CCDC171: variants seen among roughly 807,000 people sequenced by gnomAD.
The protein encoded by CCDC171 is coiled-coil domain-containing protein 171.
Under a neutral mutation model 168.2 loss-of-function variants are expected in CCDC171, and 177 were observed. The ratio of observed to expected loss-of-function variants is 1.05; its 90% CI spans 0.93 to 1.19. The LOEUF (loss-of-function observed/expected upper bound fraction) is 1.19, where lower values mean the gene tolerates loss of function less well. Ranked by LOEUF, CCDC171 falls within the 50% of genes most tolerant of loss-of-function variation. The pLI, the probability that CCDC171 is intolerant of heterozygous loss-of-function variation, is 0.00. For missense variants in CCDC171, 1,991 were observed against 1,539.0 expected, an observed-to-expected ratio of 1.29 and a Z score of -4.91; for synonymous variants, 687 against 540.8, an observed-to-expected ratio of 1.27 and a Z score of -3.75.
intron 7 of CCDC171, 23 bp downstream of exon 7, chr9:15,623,436 A>T: frequency 6.6e-7 from 1 of 1,525,952 alleles, no homozygotes; most frequent in Non-Finnish European, 8.8e-7. Context: ...ATTCCTTTAT[A>T]ATATATATGC....
At position 15,562,566 on chromosome 9, in the gene CCDC171, A is replaced by G. The variant is rs918922240; in HGVS notation, c.-111-1412A>G. ...TAACTTTATTGAAACAACTTTATTAAAAGTTTCGTAACCTCTACTTGCCAC... is the reference window on the plus strand; with the variant it reads ...TAACTTTATTGAAACAACTTTATTAGAAGTTTCGTAACCTCTACTTGCCAC... On this transcript the variant is annotated intron_variant, in intron 1 of 25. Transcript: ENST00000380701. Among the ~76,000 whole-genome samples the G allele has an allele frequency of 2.4e-4, 36 of 152,148 alleles. 1 individual carries two copies. The highest frequency in any genetic ancestry group is 3.1e-4 in the Non-Finnish European group (21 of 68,016).
downstream of CCDC171, among the ~76,000 whole-genome samples, chr9:16,061,993 T>C (rs72710763): frequency 1.3e-5 from 2 of 152,148 alleles, no homozygotes; most frequent in Middle Eastern, 3.2e-3. Flanking sequence ...CAAAAATTTT[T>C]AAAAATACCT....
At chr9:15,677,078 G>T (rs769537889) in intron 9 of CCDC171, among the ~76,000 whole-genome samples, 6 of 152,182 alleles carry the variant, frequency 3.9e-5, no homozygotes, top group Admixed American at 3.3e-4. Flanking sequence ...CTAGGTTCTT[G>T]TCGAGCTCTT....
intron 1 of CCDC171, among the ~76,000 whole-genome samples, chr9:15,558,851 C>T (rs2039031435): frequency 6.6e-6 from 1 of 152,132 alleles, no homozygotes; most frequent in South Asian, 2.1e-4. Flanking sequence ...ATCTTTCCTG[C>T]TTTCTCTTGT....
chr9:16,081,617 G>A, the CCDC171 span, among the ~76,000 whole-genome samples: 1 of 152,154 alleles, frequency 6.6e-6, no homozygotes, highest in East Asian at 1.9e-4. Context: ...ACAGAGCCCA[G>A]GCTATGATGT....
chr9:15,746,662 G>T (rs926019612), intron 18 of CCDC171, among the ~76,000 whole-genome samples: 2 of 152,180 alleles, frequency 1.3e-5, no homozygotes, highest in South Asian at 2.1e-4. Context: ...AACAGCTCCG[G>T]TCTGCAACTC....
Position 15,951,586 on chromosome 9 carries a change from C to G in CCDC171, c.3754-20023C>G, listed in dbSNP as rs145437198. Among the ~76,000 whole-genome samples, 4 of 152,060 alleles carry G rather than the reference C, an allele frequency of 2.6e-5. No homozygotes were observed. The East Asian group carries it at 5.8e-4, about 22-fold the overall frequency. On this transcript the variant is annotated intron_variant, in intron 25 of 25. Transcript: ENST00000380701. The stretch of plus-strand genomic sequence containing the variant: ...CGTTCTAATGGGTAGGAGGTAGTAT[C>G]TCATTGTAGGTTTGATTTGCATTTC...
the CCDC171 span, among the ~76,000 whole-genome samples, chr9:16,108,037 A>G: frequency 6.6e-6 from 1 of 152,274 alleles, no homozygotes; most frequent in Non-Finnish European, 1.5e-5. Flanking sequence ...AAGTGAATGG[A>G]AAGTTCAGGG....
At chr9:15,952,050 C>T (rs1829250041) in intron 25 of CCDC171, among the ~76,000 whole-genome samples, 1 of 152,076 alleles carries the variant, frequency 6.6e-6, no homozygotes, top group Non-Finnish European at 1.5e-5. Context: ...ACATAGTGTT[C>T]TTCATTCTTT....
At chr9:15,707,035 A>G (rs1402660377) in intron 11 of CCDC171, among the ~76,000 whole-genome samples, 1 of 152,124 alleles carries the variant, frequency 6.6e-6, no homozygotes, top group Admixed American at 6.5e-5. Flanking sequence ...AGAATTTTTA[A>G]TTGTTCTTGT....
At chr9:15,715,081 G>C (rs774085317) in intron 11 of CCDC171, among the ~76,000 whole-genome samples, 22 of 152,298 alleles carry the variant, frequency 1.4e-4, no homozygotes, top group Non-Finnish European at 2.9e-4. Flanking sequence ...ACCAGTGTTT[G>C]CTGTTAATCT....
intron 11 of CCDC171, among the ~76,000 whole-genome samples, chr9:15,714,032 C>T (rs180921290): frequency 6.6e-6 from 1 of 152,130 alleles, no homozygotes; most frequent in East Asian, 1.9e-4. Flanking sequence ...TGATTTGTTT[C>T]ACAATGAAAC....
At position 15,992,346 on chromosome 9, in the gene CCDC171, A is replaced by T. The variant is rs565756595; in HGVS notation, n.369-28243A>T. On this transcript the variant is annotated intron_variant and non_coding_transcript_variant, in intron 3 of 9. Transcript: ENST00000486641. ...ACAGAAACCACATGATTATCTCAAT[A>T]GATGCAGAAAAGGCCTTTGACAAAA... 1.7e-3 allele frequency among the ~76,000 whole-genome samples: 266 copies of T among 152,340 alleles called. 3 individuals carry two copies. Among genetic ancestry groups the T allele is most frequent in the African/African-American group, 6.2e-3 (257 of 41,578 alleles).
At chr9:15,980,862 C>T (rs570914154) in intron 3 of CCDC171, among the ~76,000 whole-genome samples, 61 of 144,020 alleles carry the variant, frequency 4.2e-4, no homozygotes, top group Non-Finnish European at 6.2e-4. Flanking sequence ...TTTCATACTG[C>T]TGATAAAGAC....
chr9:15,902,258 A>ATG (rs1254617033), intron 24 of CCDC171, among the ~76,000 whole-genome samples: 1 of 143,284 alleles, frequency 7.0e-6, no homozygotes, highest in African/African-American at 2.6e-5. Context: ...ATATATATAT[A>ATG]TATGTATATA....
At chr9:15,556,201 G>A (rs1179929037) in intron 1 of CCDC171, among the ~76,000 whole-genome samples, 1 of 152,140 alleles carries the variant, frequency 6.6e-6, no homozygotes, top group African/African-American at 2.4e-5. Context: ...GAGGTCCGCT[G>A]TTAGTCTGAT....
chr9:15,561,839 A>G (rs1212576514), intron 1 of CCDC171, among the ~76,000 whole-genome samples: 1 of 151,976 alleles, frequency 6.6e-6, no homozygotes, highest in African/African-American at 2.4e-5. Context: ...AAAAAAAAAG[A>G]AAGACTTGAT....
intron 25 of CCDC171, among the ~76,000 whole-genome samples, chr9:15,966,717 C>T (rs546525598): frequency 1.2e-4 from 18 of 152,120 alleles, no homozygotes; most frequent in Admixed American, 5.2e-4. Context: ...CACATTTCTT[C>T]CCATGCCTTG....
At position 15,603,133 on chromosome 9, in the gene CCDC171, C is replaced by T. The variant is rs565977615; in HGVS notation, c.675+8961C>T. On this transcript the variant is annotated intron_variant, in intron 6 of 25. Transcript: ENST00000380701. ...AGTGGCTGGGCCTACAGGCGCCCGTCACCACGCCCAGCTAAGTTTTTTTTG... is the reference window on the plus strand; with the variant it reads ...AGTGGCTGGGCCTACAGGCGCCCGTTACCACGCCCAGCTAAGTTTTTTTTG... Among the ~76,000 whole-genome samples, 284 of 152,112 alleles carry T rather than the reference C, an allele frequency of 1.9e-3. 3 individuals carry two copies. The highest frequency in any genetic ancestry group is 6.7e-3 in the African/African-American group (278 of 41,502).
Sources: allele counts gnomAD v4.1 joint callset (sites outside exome capture counted in the v4.1 genomes callset), GRCh38; gene constraint gnomAD v4.1.1; transcripts MANE v1.5; gene names NCBI Gene and HGNC (gene_info 2026-07-23, HGNC 2026-07-21).